The following UST variants were observed in gnomAD, a reference collection of about 807,000 sequenced individuals.
The protein encoded by UST is chondroitin sulfate 2-O-sulfotransferase.
Under a neutral mutation model 45.6 loss-of-function variants are expected in UST, and 21 were observed. That is an observed-to-expected ratio of 0.46 (90% CI 0.33 to 0.66). UST has a LOEUF of 0.66. Among genes scored for constraint, UST ranks in the 30% least tolerant of loss-of-function variants. The probability of loss-of-function intolerance (pLI) is 0.02; values close to 1 mark genes in which losing one functional copy is unlikely to be tolerated. For synonymous variants in UST, 215 were observed against 200.6 expected, an observed-to-expected ratio of 1.07 and a Z score of -0.61; for missense variants, 463 against 512.4, an observed-to-expected ratio of 0.90 and a Z score of 0.93.
rs1582988676 is a variant in UST at position 149,076,284 on chromosome 6, C to A, written c.*2168C>A. 6.6e-6 allele frequency: 1 copy of A among 152,150 alleles called. No individual in the cohort carries two copies. Among genetic ancestry groups the A allele is most frequent in the African/African-American group, 2.4e-5 (1 of 41,408 alleles). The allele number at this position is 152,150 out of a possible 1,614,324, so 9.4% of individuals were successfully genotyped here. A position where few individuals can be genotyped will look rare whatever the true frequency, so the allele number is the denominator to read the frequency against. On this transcript the variant is annotated 3_prime_UTR_variant, in exon 8 of 8. Transcript: ENST00000367463. ...CCCTGTGAGTCATTTCTATGAAATT[C>A]CATATAAAGAATGATGATAAGTTTA...
chr6:149,044,644 G>C (rs764942781), intron 7 of UST, among the ~76,000 whole-genome samples: 12 of 152,152 alleles, frequency 7.9e-5, no homozygotes, highest in Non-Finnish European at 1.2e-4. Context: ...TCGGCCATGG[G>C]GTTTATTGGG....
intron 4 of UST, among the ~76,000 whole-genome samples, chr6:148,955,395 A>G (rs1780471467): frequency 6.6e-6 from 1 of 152,246 alleles, no homozygotes; most frequent in Non-Finnish European, 1.5e-5. Flanking sequence ...AAGCAGAGAA[A>G]AGGAGCTGCT....
intron 1 of UST, among the ~76,000 whole-genome samples, chr6:148,750,297 A>T (rs774752873): frequency 2.6e-4 from 39 of 152,244 alleles, no homozygotes; most frequent in Admixed American, 7.2e-4. Context: ...AACCTGTTGT[A>T]TCAAACAGGT....
intron 1 of UST, among the ~76,000 whole-genome samples, chr6:148,846,040 G>A (rs937499969): frequency 2.1e-5 from 3 of 144,448 alleles, no homozygotes; most frequent in Non-Finnish European, 4.6e-5. Flanking sequence ...TCAGTGTGGC[G>A]ATTCCTCAGG....
intron 1 of UST, among the ~76,000 whole-genome samples, chr6:148,821,202 C>T (rs1288188588): frequency 2.6e-5 from 4 of 151,396 alleles, no homozygotes; most frequent in African/African-American, 9.7e-5. Flanking sequence ...AACTCCTGAC[C>T]TCAGGTGATC....
intron 5 of UST, among the ~76,000 whole-genome samples, chr6:149,000,440 G>A (rs1254634736): frequency 2.6e-5 from 4 of 152,144 alleles, no homozygotes; most frequent in Non-Finnish European, 5.9e-5. Flanking sequence ...AAGACAGAGG[G>A]TGAGAAGGAG....
chr6:148,762,794 T>G (rs868454384), intron 1 of UST, among the ~76,000 whole-genome samples: 9 of 152,186 alleles, frequency 5.9e-5, no homozygotes, highest in Admixed American at 3.3e-4. Context: ...GTGTGGTATT[T>G]GAGTTTTTGT....
chr6:148,881,026 C>T (rs1778813875), intron 1 of UST, among the ~76,000 whole-genome samples: 1 of 146,360 alleles, frequency 6.8e-6, no homozygotes, highest in African/African-American at 2.6e-5. Flanking sequence ...CAGACTCCGT[C>T]TAAAAAAAAA....
At chr6:148,928,981 G>C (rs959130099) in intron 2 of UST, among the ~76,000 whole-genome samples, 3 of 152,164 alleles carry the variant, frequency 2.0e-5, no homozygotes, top group African/African-American at 7.2e-5. Context: ...CCTAGGGCAG[G>C]GAGCAGCTGT....
chr6:148,821,456 C>T (rs954702862), intron 1 of UST, among the ~76,000 whole-genome samples: 1 of 152,162 alleles, frequency 6.6e-6, no homozygotes, highest in Non-Finnish European at 1.5e-5. Flanking sequence ...GCTGACTTGT[C>T]TTATCACTGG....
At chr6:148,864,945 A>G (rs1778398167) in intron 1 of UST, among the ~76,000 whole-genome samples, 1 of 152,200 alleles carries the variant, frequency 6.6e-6, no homozygotes, top group South Asian at 2.1e-4. Context: ...GGTGTGCATT[A>G]TTTATATAGT....
At chr6:149,034,740 T>TG (rs889723312) in intron 7 of UST, among the ~76,000 whole-genome samples, 2 of 152,146 alleles carry the variant, frequency 1.3e-5, no homozygotes, top group African/African-American at 4.8e-5. Context: ...GAAAGGTGCA[T>TG]GGGAGGGAAA....
chr6:148,993,814 C>A lies in UST; in HGVS notation c.682-25325C>A, dbSNP rs565206273. On this transcript the variant is annotated intron_variant, in intron 5 of 7. Transcript: ENST00000367463. Reference sequence around the variant, plus strand: ...TGTGATGTGGCTGCTCCCACTTCACCTTCTGCCATGATTGGAAGCTTGCTG... The same window carrying A: ...TGTGATGTGGCTGCTCCCACTTCACATTCTGCCATGATTGGAAGCTTGCTG... Among the ~76,000 whole-genome samples, 1,166 of 152,252 alleles carry A rather than the reference C, an allele frequency of 7.7e-3. 13 individuals carry two copies. Among genetic ancestry groups the A allele is most frequent in the Non-Finnish European group, 0.011 (724 of 68,008 alleles).
intron 1 of UST, among the ~76,000 whole-genome samples, chr6:148,853,195 A>G (rs932698770): frequency 6.6e-6 from 1 of 152,078 alleles, no homozygotes; most frequent in Non-Finnish European, 1.5e-5. Context: ...ATAAGTGAGA[A>G]CATGTGGTGT....
chr6:148,763,161 A>G (rs112455058), intron 1 of UST, among the ~76,000 whole-genome samples: 5,683 of 152,168 alleles, frequency 0.037, 356 homozygotes, highest in African/African-American at 0.13. Context: ...CCTTGCCAAC[A>G]TCTGTTGTTT....
chr6:149,064,737 G>A (rs960978224), intron 7 of UST, among the ~76,000 whole-genome samples: 3 of 152,078 alleles, frequency 2.0e-5, no homozygotes, highest in East Asian at 1.9e-4. Flanking sequence ...AGAATGAACC[G>A]GCATTTAGAG....
intron 5 of UST, among the ~76,000 whole-genome samples, chr6:149,016,853 G>A (rs1775904780): frequency 6.6e-6 from 1 of 152,162 alleles, no homozygotes; most frequent in African/African-American, 2.4e-5. Flanking sequence ...TTCTCACCCA[G>A]CTCCTGGCCC....
chr6:148,881,955 G>T (rs917709493), intron 1 of UST, among the ~76,000 whole-genome samples: 3 of 152,178 alleles, frequency 2.0e-5, no homozygotes, highest in Non-Finnish European at 4.4e-5. Context: ...TACCCTAGAA[G>T]AAGAGAAACT....
At chr6:148,747,910 T>C (rs1459614391) in intron 1 of UST, among the ~76,000 whole-genome samples, 1 of 152,082 alleles carries the variant, frequency 6.6e-6, no homozygotes, top group Non-Finnish European at 1.5e-5. Context: ...TGCCGGCAGG[T>C]ACCCCGGGGC....
Sources: gnomAD v4.1 joint callset for allele counts (sites outside exome capture counted in the v4.1 genomes callset) on GRCh38, gnomAD v4.1.1 for gene constraint, MANE v1.5 for transcripts, NCBI Gene and HGNC (gene_info 2026-07-23, HGNC 2026-07-21) for gene names.